Variants in MSH4 observed in about 807,000 individuals in gnomAD.
The protein encoded by MSH4 is mutS homolog 4.
Under a neutral mutation model 113.7 loss-of-function variants are expected in MSH4, and 106 were observed. The ratio of observed to expected loss-of-function variants is 0.93; its 90% CI spans 0.80 to 1.10. MSH4 has a LOEUF of 1.10. Among genes scored for constraint, MSH4 ranks in the 50% least tolerant of loss-of-function variants. The pLI, the probability that MSH4 is intolerant of heterozygous loss-of-function variation, is 0.00. For synonymous variants in MSH4, 368 were observed against 380.2 expected (o/e 0.97, Z 0.37); for missense variants, 1,061 against 1,093.7 (o/e 0.97, Z 0.42).
At chr1:75,878,391 T>A in intron 11 of MSH4, 73 bp downstream of exon 11, 1 of 1,145,140 alleles carries the variant, frequency 8.7e-7, no homozygotes, top group Non-Finnish European at 1.2e-6. Context: ...CCTTTTTTGC[T>A]GCTGATGACT....
In MSH4 at chr1:75,889,237, C is replaced by A; in HGVS notation, c.2108-14C>A. On this transcript the variant is annotated splice_polypyrimidine_tract_variant and intron_variant, in intron 15 of 19. Transcript: ENST00000263187. ...TAAACACATTTCAGTTTATCTTGAC[C>A]TTATATTTTACAGGATCATATGTTC... The A allele has an allele frequency of 8.6e-7, 1 of 1,165,250 alleles. No individual in the cohort carries two copies. The highest frequency in any genetic ancestry group is 1.3e-5 in the South Asian group (1 of 74,692). 72.2% of individuals were successfully genotyped at this position (1,165,250 alleles called of 1,614,324 possible). A position where few individuals can be genotyped will look rare whatever the true frequency, so the allele number is the denominator to read the frequency against.
chr1:75,893,572 C>T (rs1010098478), intron 17 of MSH4, among the ~76,000 whole-genome samples: 3 of 152,292 alleles, frequency 2.0e-5, no homozygotes, highest in East Asian at 3.9e-4. Context: ...GTAATGGCAT[C>T]CCAGCCAATG....
chr1:75,910,303 C>A (rs1652762021), intron 19 of MSH4, among the ~76,000 whole-genome samples: 1 of 152,114 alleles, frequency 6.6e-6, no homozygotes, highest in African/African-American at 2.4e-5. Context: ...GCACTTGACA[C>A]TACCCTTGTT....
chr1:75,884,827 A>G (rs1652026503), intron 15 of MSH4, among the ~76,000 whole-genome samples: 1 of 151,742 alleles, frequency 6.6e-6, no homozygotes, highest in South Asian at 2.1e-4. Flanking sequence ...TAAATATTTT[A>G]TTGATTTTGT....
intron 11 of MSH4, 116 bp downstream of exon 11, chr1:75,878,434 C>A: frequency 1.3e-6 from 1 of 797,336 alleles, no homozygotes; most frequent in Non-Finnish European, 1.9e-6. Context: ...TTTTTCGTTA[C>A]CAAAACATAA....
At chr1:75,854,230 C>G (rs1651266969) in intron 8 of MSH4, among the ~76,000 whole-genome samples, 1 of 151,504 alleles carries the variant, frequency 6.6e-6, no homozygotes. Context: ...GAGAAGTCTT[C>G]ATTATTCTTA....
At chr1:75,798,556 G>T (rs1649868117) in intron 1 of MSH4, among the ~76,000 whole-genome samples, 1 of 115,772 alleles carries the variant, frequency 8.6e-6, no homozygotes, top group Non-Finnish European at 1.8e-5. Context: ...ATTCCTCTCT[G>T]CACTTTTTTT....
intron 9 of MSH4, among the ~76,000 whole-genome samples, chr1:75,873,536 A>T (rs746641666): frequency 1.3e-5 from 2 of 151,568 alleles, no homozygotes; most frequent in East Asian, 1.9e-4. Flanking sequence ...CCCAATAGTT[A>T]TTTTTTCTCC....
chr1:75,888,061 AT>A (rs1652165425), intron 15 of MSH4, among the ~76,000 whole-genome samples: 1 of 149,722 alleles, frequency 6.7e-6, no homozygotes. Flanking sequence ...GTCGAATGGT[AT>A]AGGTGCCGTT....
Position 75,883,605 on chromosome 1 carries a change from T to C in MSH4, c.1907-16T>C, listed in dbSNP as rs750321254. On this transcript the variant is annotated splice_polypyrimidine_tract_variant and intron_variant, in intron 14 of 19. Coordinates refer to ENST00000263187, the MANE Select transcript of MSH4 (RefSeq NM_002440.4). ...ATATATTAATCTTTAAAAACCATTC[T>C]ATTTTTTTTCTTAAGTTCGACCAGA... 1 of 1,594,620 alleles carries C rather than the reference T, an allele frequency of 6.3e-7. No homozygotes were observed. The highest frequency in any genetic ancestry group is 8.6e-7 in the Non-Finnish European group (1 of 1,167,298).
intron 7 of MSH4, among the ~76,000 whole-genome samples, chr1:75,833,907 T>C (rs1275292843): frequency 6.6e-6 from 1 of 152,118 alleles, no homozygotes; most frequent in African/African-American, 2.4e-5. Context: ...CCAAAAGCAA[T>C]GGCAACAAAA....
At chr1:75,863,550 T>C (rs1651505177) in intron 8 of MSH4, among the ~76,000 whole-genome samples, 1 of 152,180 alleles carries the variant, frequency 6.6e-6, no homozygotes, top group Non-Finnish European at 1.5e-5. Context: ...CTGTAACTGA[T>C]GTATCTAATT....
At chr1:75,808,456 T>TA (rs1409003495) in intron 3 of MSH4, among the ~76,000 whole-genome samples, 1 of 152,208 alleles carries the variant, frequency 6.6e-6, no homozygotes, top group Non-Finnish European at 1.5e-5. Flanking sequence ...GTTCTGTTTT[T>TA]ATATGTTTCT....
chr1:75,857,471 G>A (rs1350403341), intron 8 of MSH4, among the ~76,000 whole-genome samples: 2 of 152,148 alleles, frequency 1.3e-5, no homozygotes, highest in African/African-American at 4.8e-5. Flanking sequence ...TGTATAAGGT[G>A]TAACGAAGGG....
chr1:75,888,240 A>G (rs1225287616), intron 15 of MSH4, among the ~76,000 whole-genome samples: 2 of 149,676 alleles, frequency 1.3e-5, no homozygotes, highest in African/African-American at 4.9e-5. Flanking sequence ...TGCTGCTATT[A>G]TTTCACCATT....
Position 75,883,444 on chromosome 1 carries a change from G to C in MSH4, c.1907-177G>C, listed in dbSNP as rs61770541. Among the ~76,000 whole-genome samples the C allele has an allele frequency of 3.8e-3, 579 of 152,022 alleles. 2 individuals carry two copies. The highest frequency in any genetic ancestry group is 6.8e-3 in the Middle Eastern group (2 of 294). On this transcript the variant is annotated intron_variant, in intron 14 of 19. Coordinates refer to ENST00000263187, the MANE Select transcript of MSH4 (RefSeq NM_002440.4). ...AAAGTTGTGATAGTGATTAGAGTGT[G>C]TCCATTATAATTTAGAAGAATTTGG...
chr1:75,858,358 A>G (rs2100553919), intron 8 of MSH4, among the ~76,000 whole-genome samples: 1 of 152,304 alleles, frequency 6.6e-6, no homozygotes, highest in Middle Eastern at 3.4e-3. Flanking sequence ...TTCAAAGGGA[A>G]TGCTTCCAGT....
intron 8 of MSH4, among the ~76,000 whole-genome samples, chr1:75,866,838 C>T (rs371811651): frequency 7.2e-5 from 11 of 152,008 alleles, no homozygotes; most frequent in African/African-American, 2.7e-4. Context: ...AAAGAAACAT[C>T]TTCATATCAA....
chr1:75,873,748 T>TTATATATATATA (rs61020580), intron 9 of MSH4, among the ~76,000 whole-genome samples: 181 of 150,428 alleles, frequency 1.2e-3, no homozygotes, highest in African/African-American at 4.0e-3. Flanking sequence ...GATCTTGTTT[T>TTATATATATATA]TATATATATA....
Sources: gnomAD v4.1 joint callset for allele counts (sites outside exome capture counted in the v4.1 genomes callset) on GRCh38, gnomAD v4.1.1 for gene constraint, MANE v1.5 for transcripts, NCBI Gene and HGNC (gene_info 2026-07-23, HGNC 2026-07-21) for gene names.